The following CALN1 variants were observed in gnomAD, a reference collection of about 807,000 sequenced individuals.
CALN1 encodes the protein calneuron 1.
Under a neutral mutation model 30.6 loss-of-function variants are expected in CALN1, and 17 were observed. The observed-to-expected ratio is 0.56, with a 90% CI of 0.38 to 0.83. CALN1 has a LOEUF of 0.83. Ranked by LOEUF, CALN1 falls within the 40% of genes least tolerant of loss-of-function variation. The pLI is 0.00. For missense variants in CALN1, 291 were observed against 354.9 expected (o/e 0.82, Z 1.45); for synonymous variants, 156 against 131.4 (o/e 1.19, Z -1.28).
At chr7:72,009,041 T>C (rs555916935) in intron 5 of CALN1, among the ~76,000 whole-genome samples, 122 of 152,326 alleles carry the variant, frequency 8.0e-4, no homozygotes, top group Non-Finnish European at 1.4e-3. Context: ...GAAGATAATA[T>C]AAGTTTTCAA....
intron 2 of CALN1, among the ~76,000 whole-genome samples, chr7:72,348,515 T>C (rs1170459123): frequency 6.6e-6 from 1 of 152,212 alleles, no homozygotes; most frequent in Non-Finnish European, 1.5e-5. Context: ...AAGTTCCTAG[T>C]TGACAACTAA....
chr7:72,402,512 C>T (rs981422199), intron 2 of CALN1, among the ~76,000 whole-genome samples: 1 of 152,186 alleles, frequency 6.6e-6, no homozygotes, highest in Non-Finnish European at 1.5e-5. Flanking sequence ...ATAGGACTCA[C>T]CACAGACCAA....
intron 3 of CALN1, among the ~76,000 whole-genome samples, chr7:72,142,725 C>A (rs985109858): frequency 1.3e-5 from 2 of 152,180 alleles, no homozygotes; most frequent in African/African-American, 2.4e-5. Context: ...AAGCACCCCC[C>A]AGTAGGGGCA....
chr7:72,297,858 A>C (rs571307209), intron 2 of CALN1, among the ~76,000 whole-genome samples: 1 of 152,322 alleles, frequency 6.6e-6, no homozygotes, highest in East Asian at 1.9e-4. Flanking sequence ...ATGATTTTGC[A>C]AACTGAAAGC....
intron 2 of CALN1, among the ~76,000 whole-genome samples, chr7:72,315,114 C>A (rs1372740001): frequency 6.6e-6 from 1 of 151,936 alleles, no homozygotes; most frequent in African/African-American, 2.4e-5. Flanking sequence ...CGCACCACTG[C>A]ACCCCAGCCT....
At chr7:72,222,830 G>A (rs1233033287) in intron 3 of CALN1, among the ~76,000 whole-genome samples, 1 of 151,784 alleles carries the variant, frequency 6.6e-6, no homozygotes, top group African/African-American at 2.4e-5. Flanking sequence ...AGACAAGCCT[G>A]AGCAACATAG....
chr7:72,212,982 G>A (rs556296362), intron 3 of CALN1, among the ~76,000 whole-genome samples: 7 of 152,234 alleles, frequency 4.6e-5, no homozygotes, highest in South Asian at 2.1e-4. Flanking sequence ...AAACAGAAAC[G>A]CTCAAGAAAG....
chr7:72,288,005 A>C (rs942786659), intron 2 of CALN1, among the ~76,000 whole-genome samples: 1 of 152,142 alleles, frequency 6.6e-6, no homozygotes, highest in Non-Finnish European at 1.5e-5. Flanking sequence ...TATATAATAA[A>C]TTACCCCTGA....
intron 3 of CALN1, among the ~76,000 whole-genome samples, chr7:72,267,225 G>T (rs983401089): frequency 2.0e-5 from 3 of 152,158 alleles, no homozygotes; most frequent in African/African-American, 7.2e-5. Context: ...CGGCAAAAAC[G>T]GGATAAAACA....
the CALN1 span, among the ~76,000 whole-genome samples, chr7:72,504,249 CGGT>C: frequency 3.3e-5 from 5 of 152,144 alleles, no homozygotes; most frequent in African/African-American, 1.2e-4. Flanking sequence ...ACCCTCTCCC[CGGT>C]GAGTCTATTT....
intron 4 of CALN1, among the ~76,000 whole-genome samples, chr7:72,072,038 C>T (rs930492771): frequency 4.6e-5 from 7 of 152,054 alleles, no homozygotes; most frequent in African/African-American, 1.7e-4. Context: ...ATGTGTGAGA[C>T]ATCATCAAGT....
chr7:71,933,445 T>C (rs556325136), intron 5 of CALN1, among the ~76,000 whole-genome samples: 1 of 152,262 alleles, frequency 6.6e-6, no homozygotes, highest in African/African-American at 2.4e-5. Flanking sequence ...TCCTTTCTCT[T>C]TCTTTTGCCT....
At chr7:72,048,778 C>T (rs1802649150) in intron 4 of CALN1, among the ~76,000 whole-genome samples, 2 of 149,936 alleles carry the variant, frequency 1.3e-5, no homozygotes, top group African/African-American at 2.5e-5. Context: ...GCCTTTTTCC[C>T]TCCCTTCCTC....
chr7:71,882,858 G>GTGTGTGTC (rs1215967611), intron 5 of CALN1, among the ~76,000 whole-genome samples: 27 of 143,768 alleles, frequency 1.9e-4, no homozygotes, highest in African/African-American at 6.9e-4. Flanking sequence ...ATTTGTGTGT[G>GTGTGTGTC]TGTGTGTGTG....
chr7:72,011,835 C>CA (rs1232164038), intron 5 of CALN1, among the ~76,000 whole-genome samples: 1 of 151,758 alleles, frequency 6.6e-6, no homozygotes, highest in Non-Finnish European at 1.5e-5. Flanking sequence ...TTTGTAGAGA[C>CA]AAAAAAATGT....
chr7:72,109,945 C>T (rs375594348), intron 3 of CALN1, among the ~76,000 whole-genome samples: 2 of 152,196 alleles, frequency 1.3e-5, no homozygotes, highest in East Asian at 1.9e-4. Context: ...CCAGGACATA[C>T]GATGCAACAG....
intron 3 of CALN1, among the ~76,000 whole-genome samples, chr7:72,121,683 C>T (rs1423466948): frequency 6.8e-6 from 1 of 148,116 alleles, no homozygotes; most frequent in Non-Finnish European, 1.5e-5. Flanking sequence ...TATCTATCTA[C>T]CCAGAAACAT....
At chr7:72,341,332 G>A (rs1342883210) in intron 2 of CALN1, among the ~76,000 whole-genome samples, 2 of 152,144 alleles carry the variant, frequency 1.3e-5, no homozygotes, top group Non-Finnish European at 2.9e-5. Context: ...ACACCAGCCT[G>A]GCCAACATGG....
chr7:72,147,321 T>C (rs1049143120), intron 3 of CALN1, among the ~76,000 whole-genome samples: 2 of 151,854 alleles, frequency 1.3e-5, no homozygotes, highest in Non-Finnish European at 2.9e-5. Context: ...AACAGACACT[T>C]CTCAAAAGAA....
Sources: allele counts gnomAD v4.1 joint callset (sites outside exome capture counted in the v4.1 genomes callset), GRCh38; gene constraint gnomAD v4.1.1; transcripts MANE v1.5; gene names NCBI Gene and HGNC (gene_info 2026-07-23, HGNC 2026-07-21).